Variants in NTN1 observed in about 807,000 individuals in gnomAD.
NTN1 encodes the protein netrin-1.
NTN1 carries 11 observed loss-of-function variants against 54.2 expected under a neutral mutation model. The ratio of observed to expected loss-of-function variants is 0.20; its 90% CI spans 0.13 to 0.34. NTN1 has a LOEUF of 0.34. NTN1 is among the 10% of genes least tolerant of loss of function. The pLI is 1.00. For missense variants in NTN1, 740 were observed against 893.1 expected (o/e 0.83, Z 2.18); for synonymous variants, 371 against 382.0 (o/e 0.97, Z 0.33).
chr17:9,162,454 T>C (rs2092359631), intron 2 of NTN1, among the ~76,000 whole-genome samples: 1 of 147,468 alleles, frequency 6.8e-6, no homozygotes, highest in Non-Finnish European at 1.5e-5. Context: ...TCCCTGCGTC[T>C]CTCTGTGTCC....
intron 2 of NTN1, among the ~76,000 whole-genome samples, chr17:9,058,857 G>A (rs908108896): frequency 6.6e-6 from 1 of 151,992 alleles, no homozygotes; most frequent in Admixed American, 6.6e-5. Flanking sequence ...AAACATGAGA[G>A]AGGCAGACAG....
At chr17:9,097,651 C>T (rs938217614) in intron 2 of NTN1, among the ~76,000 whole-genome samples, 2 of 151,714 alleles carry the variant, frequency 1.3e-5, no homozygotes, top group Middle Eastern at 6.8e-3. Flanking sequence ...AACAAAAAAA[C>T]CCCAAACAGA....
intron 2 of NTN1, among the ~76,000 whole-genome samples, chr17:9,096,852 T>C (rs964972165): frequency 4.6e-5 from 7 of 152,252 alleles, no homozygotes; most frequent in African/African-American, 1.7e-4. Context: ...TTCACATTTC[T>C]CTGCTTAAGG....
At chr17:9,128,093 G>A (rs1049200224) in intron 2 of NTN1, among the ~76,000 whole-genome samples, 8 of 151,448 alleles carry the variant, frequency 5.3e-5, no homozygotes, top group African/African-American at 1.9e-4. Flanking sequence ...CTCCAGCCTG[G>A]GTGACAGAGC....
intron 2 of NTN1, among the ~76,000 whole-genome samples, chr17:9,129,547 A>T (rs1392032792): frequency 6.6e-6 from 1 of 152,190 alleles, no homozygotes; most frequent in Non-Finnish European, 1.5e-5. Flanking sequence ...TTCAGGCTAA[A>T]GCTTCTGTGT....
rs369934913 is a variant in NTN1 at position 9,182,986 on chromosome 17, G to A, written c.1411+17G>A. 1.1e-5 allele frequency: 17 copies of A among 1,613,568 alleles called. No homozygotes were observed. The highest frequency in any genetic ancestry group is 9.3e-5 in the African/African-American group (7 of 74,964). On this transcript the variant is annotated intron_variant, in intron 5 of 6. Transcript: ENST00000173229. The stretch of plus-strand genomic sequence containing the variant: ...AGCCTGAAGGTAAACGGCCCCCTTC[G>A]CTTCTCATTTCCCGCTTTTGCTGGG...
rs776034980 is a variant in NTN1 at position 9,221,154 on chromosome 17, C to G, written c.1412-14C>G. 2.6e-6 allele frequency: 4 copies of G among 1,557,906 alleles called. No homozygotes were observed. Among genetic ancestry groups the G allele is most frequent in the East Asian group, 2.2e-5 (1 of 44,468 alleles). On this transcript the variant is annotated splice_polypyrimidine_tract_variant and intron_variant, in intron 5 of 6. Transcript: ENST00000173229. The surrounding 1 kb of genome is among the most constrained non-coding windows in gnomAD (Gnocchi z 4.5). The stretch of plus-strand genomic sequence containing the variant: ...ATTAGTTTTTGTCTGTGCTCCCCCC[C>G]CACCCCCCTGCAGACTGCGATTCCT...
At chr17:9,013,378 G>A in the NTN1 span, among the ~76,000 whole-genome samples, 23 of 151,768 alleles carry the variant, frequency 1.5e-4, no homozygotes, top group East Asian at 1.6e-3. Flanking sequence ...CACCACACCC[G>A]GCTTATTTTG....
chr17:9,060,718 C>G (rs1169293897), intron 2 of NTN1, among the ~76,000 whole-genome samples: 1 of 152,174 alleles, frequency 6.6e-6, no homozygotes, highest in East Asian at 1.9e-4. Context: ...TGGCTCATGC[C>G]TGTAATCCCA....
rs553659441 is a variant in NTN1 at position 9,158,247 on chromosome 17, C to T, written c.1019-4566C>T. Reference sequence around the variant, plus strand: ...TTGTTTAGGAAGAACCTTTTGTTGGCGTAAGGTGCATATGGAAGAGAGCTA... The same window carrying T: ...TTGTTTAGGAAGAACCTTTTGTTGGTGTAAGGTGCATATGGAAGAGAGCTA... On this transcript the variant is annotated intron_variant, in intron 2 of 6. Coordinates refer to ENST00000173229, the MANE Select transcript of NTN1 (RefSeq NM_004822.3). 6.1e-4 allele frequency among the ~76,000 whole-genome samples: 93 copies of T among 152,208 alleles called. 2 individuals carry two copies. The highest frequency in any genetic ancestry group is 2.0e-3 in the African/African-American group (83 of 41,528).
intron 2 of NTN1, among the ~76,000 whole-genome samples, chr17:9,071,073 G>A (rs72660228): frequency 0.045 from 6,914 of 152,190 alleles, 542 homozygotes; most frequent in African/African-American, 0.16. Context: ...CCCATTGCCC[G>A]CAGACCTCAC....
intron 2 of NTN1, among the ~76,000 whole-genome samples, chr17:9,053,427 A>G (rs780913236): frequency 7.9e-5 from 12 of 152,246 alleles, no homozygotes; most frequent in Admixed American, 2.0e-4. Context: ...AAATTAATCA[A>G]TTAAGAAAAT....
intron 3 of NTN1, among the ~76,000 whole-genome samples, chr17:9,168,401 G>A (rs1239227586): frequency 2.0e-5 from 3 of 152,064 alleles, no homozygotes; most frequent in Admixed American, 6.5e-5. Context: ...GCGCAGTGGC[G>A]CATGCCTGTA....
intron 2 of NTN1, among the ~76,000 whole-genome samples, chr17:9,046,913 T>TTCCA (rs1156880232): frequency 1.3e-5 from 2 of 152,222 alleles, no homozygotes; most frequent in Non-Finnish European, 2.9e-5. Flanking sequence ...ATAGGTTCAG[T>TTCCA]TCCAGACCAC....
At chr17:9,026,879 A>G (rs1020846214) in intron 2 of NTN1, among the ~76,000 whole-genome samples, 3 of 152,106 alleles carry the variant, frequency 2.0e-5, no homozygotes, top group Non-Finnish European at 4.4e-5. Flanking sequence ...GACTCACTCT[A>G]TGGCTTTGCA....
rs113511877 is a variant in NTN1, at chr17:9,188,851, G to A, written c.1411+5882G>A. The stretch of plus-strand genomic sequence containing the variant: ...CCACAGAGGAGACCACTGACAGGAG[G>A]GGGGATCACTGGAGACCGTGCAGAC... On this transcript the variant is annotated intron_variant, in intron 5 of 6. Coordinates refer to ENST00000173229, the MANE Select transcript of NTN1 (RefSeq NM_004822.3). 3.9e-5 allele frequency among the ~76,000 whole-genome samples: 6 copies of A among 152,262 alleles called. 1 individual carries two copies. The highest frequency in any genetic ancestry group is 9.6e-5 in the African/African-American group (4 of 41,570).
chr17:9,178,286 C>T (rs1314262106), intron 3 of NTN1, among the ~76,000 whole-genome samples: 1 of 152,198 alleles, frequency 6.6e-6, no homozygotes. Context: ...AGGCAGGGAG[C>T]CCTGTAGGCT....
At position 9,135,495 on chromosome 17, in the gene NTN1, A is replaced by C. The variant is rs983459794; in HGVS notation, c.1019-27318A>C. ...AGTTCATTCGCCACTGTCGGGGTCA[A>C]CCACTTAGTCCTCTTGACCATGAGA... On this transcript the variant is annotated intron_variant, in intron 2 of 6. Coordinates refer to ENST00000173229, the MANE Select transcript of NTN1 (RefSeq NM_004822.3). This position sits in a 1 kb window ranked among gnomAD's most constrained non-coding sequence, Gnocchi z 4.4. 3.4e-4 allele frequency among the ~76,000 whole-genome samples: 52 copies of C among 152,192 alleles called. 1 individual carries two copies. Among genetic ancestry groups the C allele is most frequent in the Non-Finnish European group, 1.5e-5 (1 of 68,032 alleles).
chr17:9,130,740 TTCC>T (rs2092262041), intron 2 of NTN1, among the ~76,000 whole-genome samples: 1 of 152,170 alleles, frequency 6.6e-6, no homozygotes, highest in African/African-American at 2.4e-5. Flanking sequence ...CAGTGGTTTC[TTCC>T]TCCTCTGTCA....
Sources: gnomAD v4.1 joint callset for allele counts (sites outside exome capture counted in the v4.1 genomes callset) on GRCh38, gnomAD v4.1.1 for gene constraint, Gnocchi (gnomAD v3.1) non-coding constraint, MANE v1.5 for transcripts, NCBI Gene and HGNC (gene_info 2026-07-23, HGNC 2026-07-21) for gene names.